Variants in KTN1 observed in about 807,000 individuals in gnomAD.
KTN1 encodes the protein kinectin 1, also known as kinectin.
KTN1 carries 130 observed loss-of-function variants against 222.5 expected under a neutral mutation model. The ratio of observed to expected loss-of-function variants is 0.58; its 90% CI spans 0.51 to 0.68. KTN1 has a LOEUF of 0.68. Among genes scored for constraint, KTN1 ranks in the 30% least tolerant of loss-of-function variants. The pLI, the probability that KTN1 is intolerant of heterozygous loss-of-function variation, is 0.00. For synonymous variants in KTN1, 512 were observed against 496.3 expected (o/e 1.03, Z -0.42); for missense variants, 1,508 against 1,500.4 (o/e 1.01, Z -0.08).
chr14:55,581,161 C>T (rs188362897), intron 1 of KTN1, among the ~76,000 whole-genome samples: 2 of 152,254 alleles, frequency 1.3e-5, no homozygotes, highest in African/African-American at 2.4e-5. Context: ...TCGTCTGGCT[C>T]TCAGCCATAC....
chr14:55,664,150 C>G, intron 33 of KTN1, 109 bp downstream of exon 33: 2 of 685,594 alleles, frequency 2.9e-6, no homozygotes, highest in Non-Finnish European at 4.9e-6. Context: ...TATAAAATCT[C>G]CTTATCCATA....
intron 1 of KTN1, among the ~76,000 whole-genome samples, chr14:55,580,614 C>T (rs1193628848): frequency 1.3e-5 from 2 of 151,814 alleles, no homozygotes; most frequent in Admixed American, 6.6e-5. Flanking sequence ...GGCCCGACCC[C>T]GGCTCTGTCG....
intron 33 of KTN1, among the ~76,000 whole-genome samples, chr14:55,665,239 G>A (rs570870432): frequency 6.6e-6 from 1 of 152,078 alleles, no homozygotes; most frequent in East Asian, 1.9e-4. Flanking sequence ...TTTTAGTGTG[G>A]TTTCTGGTTG....
Position 55,630,003 on chromosome 14 carries a change from T to C in KTN1, c.1127T>C (p.Met376Thr), listed in dbSNP as rs1275720121. 6.2e-7 allele frequency: 1 copy of C among 1,603,042 alleles called. No homozygotes were observed. The highest frequency in any genetic ancestry group is 2.2e-5 in the East Asian group (1 of 44,790). Residue 376 changes from methionine to threonine, a missense_variant, in exon 7 of 44, where the codon ATG becomes ACG. Physicochemically the swap from Met to Thr is moderately conservative, Grantham distance 81. Transcript: ENST00000395314. ...AGAAGCAATGTGGTTATAACAAGGA[T>C]GAAAGATCGAATTGGAACATTAGAA... ...KERSNVVITR[M>T]KDRIGTLEKE...
chr14:55,616,289 A>T (rs2038380931), intron 2 of KTN1, among the ~76,000 whole-genome samples: 1 of 152,142 alleles, frequency 6.6e-6, no homozygotes, highest in Non-Finnish European at 1.5e-5. Context: ...TCATGCCTAT[A>T]GGCTCAGTAG....
intron 7 of KTN1, among the ~76,000 whole-genome samples, chr14:55,631,673 C>T (rs34408323): frequency 0.22 from 33,073 of 151,670 alleles, 4,088 homozygotes; most frequent in East Asian, 0.32. Context: ...CCCAATTACT[C>T]AGGAGGCTGA....
intron 17 of KTN1, 107 bp downstream of exon 17, chr14:55,641,315 G>A (rs2341890): frequency 1 from 652,939 of 653,448 alleles, 326,218 homozygotes; most frequent in East Asian, 1. Flanking sequence ...CTCTGAAACA[G>A]TGTTTCTGTA....
chr14:55,588,750 G>T (rs950276944), intron 1 of KTN1, among the ~76,000 whole-genome samples: 1 of 152,102 alleles, frequency 6.6e-6, no homozygotes, highest in African/African-American at 2.4e-5. Context: ...ATGGCACCAT[G>T]TACAGTAACC....
Position 55,667,300 on chromosome 14 carries a change from A to G in KTN1, c.3237A>G (p.Leu1079=), listed in dbSNP as rs756796261. Residue 1079 remains leucine, a synonymous_variant, in exon 34 of 44, where the codon TTA becomes TTG. Coordinates refer to ENST00000395314, the MANE Select transcript of KTN1 (RefSeq NM_001079521.2). ...AGGCTAAAGAAGTTCTCAAAAAATT[A>G]TTTCCAAAGGTGTCTGTCCCTTCTA... ...ELEAKEVLKK[L]FPKVSVPSNL... is the part of the protein sequence containing the mutation. 1 of 1,604,932 alleles carries G rather than the reference A, an allele frequency of 6.2e-7. No homozygotes were observed. The highest frequency in any genetic ancestry group is 8.5e-7 in the Non-Finnish European group (1 of 1,174,794).
chr14:55,624,476 A>G (rs1467771004), intron 5 of KTN1, among the ~76,000 whole-genome samples: 1 of 152,170 alleles, frequency 6.6e-6, no homozygotes, highest in Non-Finnish European at 1.5e-5. Context: ...AGGATTGAGA[A>G]ATTTCAGAAA....
intron 5 of KTN1, among the ~76,000 whole-genome samples, chr14:55,622,301 G>A (rs960479383): frequency 6.6e-6 from 1 of 152,206 alleles, no homozygotes; most frequent in Non-Finnish European, 1.5e-5. Flanking sequence ...AGAACCTCAG[G>A]ACTATTGTTG....
intron 42 of KTN1, chr14:55,679,256 G>A (rs116437974): frequency 1.6e-4 from 41 of 251,406 alleles, no homozygotes; most frequent in African/African-American, 7.5e-4. Flanking sequence ...TTTCTTTTGC[G>A]GGGCAAATTT....
At chr14:55,648,193 T>C (rs1344864168) in intron 20 of KTN1, 78 bp downstream of exon 20, 2 of 686,292 alleles carry the variant, frequency 2.9e-6, no homozygotes, top group Non-Finnish European at 4.8e-6. Context: ...TGTGTAAGGT[T>C]TTTCCCATAG....
At chr14:55,607,392 AT>A (rs2036888412) in intron 1 of KTN1, 2 of 152,160 alleles carry the variant, frequency 1.3e-5, no homozygotes, top group South Asian at 4.1e-4. Context: ...ATAGAGCAGG[AT>A]TTTAAACCTG....
chr14:55,671,216 G>A (rs1246331158), intron 35 of KTN1: 2 of 260,318 alleles, frequency 7.7e-6, no homozygotes, highest in Middle Eastern at 1.2e-3. Flanking sequence ...AATTGGGGGG[G>A]ATTTATTATT....
At chr14:55,672,472 A>G (rs1300219600) in intron 37 of KTN1, 158 bp from the exon 38 acceptor site, 5 of 545,544 alleles carry the variant, frequency 9.2e-6, no homozygotes, top group Middle Eastern at 3.5e-4. Flanking sequence ...ATCAAGTTCA[A>G]TGTGACTCAT....
intron 1 of KTN1, among the ~76,000 whole-genome samples, chr14:55,606,089 GT>G (rs991573781): frequency 4.6e-5 from 7 of 151,650 alleles, no homozygotes; most frequent in South Asian, 2.1e-4. Context: ...GTTGTTTTTT[GT>G]TTTTTTTAAC....
intron 1 of KTN1, among the ~76,000 whole-genome samples, chr14:55,596,065 G>T (rs2034970982): frequency 6.7e-6 from 1 of 149,208 alleles, no homozygotes. Context: ...TGAAGCAGGA[G>T]AATGGTGTGA....
At chr14:55,663,809 A>AT (rs1196821142) in intron 32 of KTN1, 146 bp from the exon 33 acceptor site, 3 of 574,074 alleles carry the variant, frequency 5.2e-6, no homozygotes, top group East Asian at 2.9e-5. Flanking sequence ...ATTGCTTTTT[A>AT]TTTTTTTGCT....
Sources: gnomAD v4.1 joint callset for allele counts (sites outside exome capture counted in the v4.1 genomes callset) on GRCh38, gnomAD v4.1.1 for gene constraint, MANE v1.5 for transcripts, NCBI Gene and HGNC (gene_info 2026-07-23, HGNC 2026-07-21) for gene names.